The following DYSF variants were observed in gnomAD, a reference collection of about 807,000 sequenced individuals.
DYSF encodes dysferlin.
A neutral mutation model predicts 274.9 loss-of-function variants in DYSF; 212 were observed. The observed-to-expected ratio is 0.77, with a 90% CI of 0.69 to 0.86. The LOEUF (loss-of-function observed/expected upper bound fraction) is 0.86. Among genes scored for constraint, DYSF ranks in the 40% least tolerant of loss-of-function variants. The pLI is 0.00. For synonymous variants in DYSF, 1,091 were observed against 1,078.7 expected (o/e 1.01, Z -0.22); for missense variants, 2,666 against 2,783.2 (o/e 0.96, Z 0.95).
chr2:71,542,631 C>T (rs1430942554), intron 17 of DYSF, among the ~76,000 whole-genome samples: 2 of 152,130 alleles, frequency 1.3e-5, no homozygotes, highest in Non-Finnish European at 2.9e-5. Context: ...TTGCACCGCC[C>T]TTAATCCATT....
chr2:71,509,329 A>T (rs114603709), intron 4 of DYSF, among the ~76,000 whole-genome samples: 4,655 of 151,516 alleles, frequency 0.031, 127 homozygotes, highest in Non-Finnish European at 0.038. Flanking sequence ...TGCCTGGCTA[A>T]TTTTTTGTTT....
At chr2:71,619,583 A>C (rs2094042253) in intron 40 of DYSF, among the ~76,000 whole-genome samples, 1 of 151,976 alleles carries the variant, frequency 6.6e-6, no homozygotes, top group South Asian at 2.1e-4. Flanking sequence ...CCCCCTGCTC[A>C]AGGCTTAGAG....
intron 3 of DYSF, among the ~76,000 whole-genome samples, chr2:71,493,899 TTAGAGGAA>T (rs2084127045): frequency 1.3e-5 from 2 of 151,602 alleles, no homozygotes; most frequent in South Asian, 2.1e-4. Flanking sequence ...CAAAGGTTTT[TTAGAGGAA>T]AAGAGGAAAA....
At chr2:71,516,612 C>T (rs2086684447) in intron 9 of DYSF, among the ~76,000 whole-genome samples, 1 of 152,208 alleles carries the variant, frequency 6.6e-6, no homozygotes, top group African/African-American at 2.4e-5. Context: ...TTTTGTTAAT[C>T]CACGTGCCTG....
At chr2:71,554,045 C>A in intron 21 of DYSF, 114 bp downstream of exon 21, 2 of 1,508,246 alleles carry the variant, frequency 1.3e-6, no homozygotes, top group Non-Finnish European at 1.8e-6. Flanking sequence ...CACGGCTGTG[C>A]CTACTGACCT....
intron 32 of DYSF, among the ~76,000 whole-genome samples, chr2:71,596,405 G>A (rs941128399): frequency 2.6e-4 from 40 of 152,318 alleles, no homozygotes; most frequent in African/African-American, 8.4e-4. Context: ...AGCACGGGGC[G>A]GGGCGGGAAC....
At chr2:71,512,013 C>T in intron 5 of DYSF, 92 bp downstream of exon 5, 3 of 860,008 alleles carry the variant, frequency 3.5e-6, no homozygotes, top group East Asian at 2.6e-5. Context: ...CGAGGCTTCC[C>T]AGCCTTTGCT....
intron 23 of DYSF, among the ~76,000 whole-genome samples, chr2:71,562,800 T>A (rs1328545081): frequency 2.0e-5 from 3 of 152,104 alleles, no homozygotes; most frequent in Admixed American, 2.0e-4. Flanking sequence ...ACAGGCTGGT[T>A]CCCTGGTGGA....
chr2:71,558,813 C>G (rs6719073), intron 22 of DYSF, among the ~76,000 whole-genome samples: 97,814 of 151,950 alleles, frequency 0.64, 32,361 homozygotes, highest in African/African-American at 0.73. Flanking sequence ...ATGCATAATG[C>G]CTCTCTGGGG....
chr2:71,517,506 C>T (rs2086782280), intron 10 of DYSF, among the ~76,000 whole-genome samples: 1 of 151,842 alleles, frequency 6.6e-6, no homozygotes. Context: ...ATGTATAGCA[C>T]CTTTGGTCAC....
intron 20 of DYSF, among the ~76,000 whole-genome samples, chr2:71,553,530 G>A (rs1303215510): frequency 6.6e-6 from 1 of 152,184 alleles, no homozygotes. Context: ...ACATGCCCAG[G>A]AGCCCTAATG....
Position 71,516,169 on chromosome 2 carries a change from T to C in DYSF, c.889-11T>C. On this transcript the variant is annotated splice_polypyrimidine_tract_variant and intron_variant, in intron 8 of 55. Transcript: ENST00000410020. ...GGCACTGATATGTCTCTCTTTGCTCTGAACCAACAGACTCTTTTCTTCAAC... is the reference window on the plus strand; with the variant it reads ...GGCACTGATATGTCTCTCTTTGCTCCGAACCAACAGACTCTTTTCTTCAAC... 6.2e-7 allele frequency: 1 copy of C among 1,614,186 alleles called. No individual in the cohort carries two copies. The highest frequency in any genetic ancestry group is 8.5e-7 in the Non-Finnish European group (1 of 1,179,980).
At chr2:71,667,321 C>G in intron 47 of DYSF, 55 bp from the exon 48 acceptor site, 1 of 1,612,854 alleles carries the variant, frequency 6.2e-7, no homozygotes, top group East Asian at 2.2e-5. Flanking sequence ...TGGGCAGCCC[C>G]ATTATCTCTC....
At chr2:71,589,854 C>T (rs2093202532) in intron 31 of DYSF, among the ~76,000 whole-genome samples, 168 bp downstream of exon 31, 1 of 152,050 alleles carries the variant, frequency 6.6e-6, no homozygotes, top group African/African-American at 2.4e-5. Context: ...TGCGCGCGTG[C>T]GTGCACGTGT....
In DYSF at chr2:71,638,310, CAG is replaced by C. The variant is rs573777150; in HGVS notation, c.4528-5652_4528-5651del. Among the ~76,000 whole-genome samples, 1,216 of 143,914 alleles carry C rather than the reference CAG, an allele frequency of 8.4e-3. 9 individuals carry two copies. Among genetic ancestry groups the C allele is most frequent in the Middle Eastern group, 0.064 (17 of 264 alleles). The allele number at this position is 143,914 out of a possible 152,430, so 94.4% of individuals were successfully genotyped here. A position where few individuals can be genotyped will look rare whatever the true frequency, so the allele number is the denominator to read the frequency against. Reference sequence around the variant, plus strand: ...AGTTTAATGGTTTGTAGTATATTAACAGAGTTGTGCAACCATGACCGGAATCC... The same window carrying C: ...AGTTTAATGGTTTGTAGTATATTAACAGTTGTGCAACCATGACCGGAATCC... On this transcript the variant is annotated intron_variant, in intron 41 of 55. Coordinates refer to ENST00000410020, the MANE Select transcript of DYSF (RefSeq NM_001130987.2).
chr2:71,548,442 G>A (rs751548227), intron 17 of DYSF, among the ~76,000 whole-genome samples: 28 of 152,202 alleles, frequency 1.8e-4, no homozygotes, highest in Non-Finnish European at 3.8e-4. Flanking sequence ...GGGTGTGCAC[G>A]TGACCTCAGA....
At chr2:71,628,611 T>C (rs1212827755) in intron 41 of DYSF, among the ~76,000 whole-genome samples, 1 of 152,206 alleles carries the variant, frequency 6.6e-6, no homozygotes, top group African/African-American at 2.4e-5. Flanking sequence ...CATTGTGCTA[T>C]TGTTTTCACA....
chr2:71,579,566 A>G (rs1574134302), intron 30 of DYSF, among the ~76,000 whole-genome samples: 2 of 152,256 alleles, frequency 1.3e-5, no homozygotes, highest in Admixed American at 1.3e-4. Flanking sequence ...AAGAATTATT[A>G]ATATTCACTT....
At chr2:71,494,827 T>C (rs2084214637) in intron 3 of DYSF, among the ~76,000 whole-genome samples, 1 of 152,258 alleles carries the variant, frequency 6.6e-6, no homozygotes, top group African/African-American at 2.4e-5. Context: ...GGCTGGATTA[T>C]TCATTAGAAA....
Sources: allele counts gnomAD v4.1 joint callset (sites outside exome capture counted in the v4.1 genomes callset), GRCh38; gene constraint gnomAD v4.1.1; transcripts MANE v1.5; gene names NCBI Gene and HGNC (gene_info 2026-07-23, HGNC 2026-07-21).